ZNF469: variants seen among roughly 807,000 people sequenced by gnomAD.
The protein encoded by ZNF469 is zinc finger protein 469.
ZNF469 carries 1 observed loss-of-function variant against 1.0 expected under a neutral mutation model. That is an observed-to-expected ratio of 1.00 (90% CI 0.35 to 4.73). ZNF469 has a LOEUF of 4.73. ZNF469 is among the 30% of genes most tolerant of loss of function. The pLI is 0.16. For synonymous variants in ZNF469, 2,703 were observed against 2,363.4 expected, an observed-to-expected ratio of 1.14 and a Z score of -4.17; for missense variants, 6,100 against 5,356.3, an observed-to-expected ratio of 1.14 and a Z score of -4.33.
At chr16:88,333,270 C>T in the ZNF469 span, among the ~76,000 whole-genome samples, 7 of 151,134 alleles carry the variant, frequency 4.6e-5, no homozygotes, top group African/African-American at 1.7e-4. Flanking sequence ...GAGAAGGCTC[C>T]GGACTTGCTG....
the ZNF469 span, among the ~76,000 whole-genome samples, chr16:88,196,256 G>C: frequency 6.6e-6 from 1 of 152,194 alleles, no homozygotes; most frequent in African/African-American, 2.4e-5. Context: ...TAGCAGGCCT[G>C]GCCCAGAACA....
At chr16:88,353,660 A>G in the ZNF469 span, among the ~76,000 whole-genome samples, 2 of 152,216 alleles carry the variant, frequency 1.3e-5, no homozygotes, top group Non-Finnish European at 2.9e-5. Flanking sequence ...CCAACAACTC[A>G]GTCCACACGA....
rs1473768699 is a variant in ZNF469 at position 88,432,755 on chromosome 16, A to G, written c.5285A>G (p.Glu1762Gly). 4 of 1,550,400 alleles carry G rather than the reference A, an allele frequency of 2.6e-6. No homozygotes were observed. The East Asian group carries it at 9.8e-5, about 38-fold the overall frequency. Residue 1762 changes from glutamate (E) to glycine (G), a missense_variant, in exon 3 of 3, where the codon GAA becomes GGA. Glu to Gly is a moderately conservative substitution (Grantham distance 98). Coordinates refer to ENST00000565624, the MANE Select transcript of ZNF469 (RefSeq NM_001367624.2). ...NKEAASSQES[E>G]DSLRLLPCEQ... ...GAGGCCGCCAGCTCACAAGAAAGTG[A>G]AGACTCCCTGCGGCTGCTTCCCTGT... is the stretch of plus-strand genomic sequence containing the variant.
chr16:88,297,472 G>A, the ZNF469 span, among the ~76,000 whole-genome samples: 1 of 152,194 alleles, frequency 6.6e-6, no homozygotes, highest in South Asian at 2.1e-4. Flanking sequence ...CCCACACGTG[G>A]CCTGGAGGTG....
In ZNF469 at chr16:88,436,617, C is replaced by G; in HGVS notation, c.9147C>G (p.Leu3049=). 6.4e-7 allele frequency: 1 copy of G among 1,550,396 alleles called. No homozygotes were observed. Among genetic ancestry groups the G allele is most frequent in the Non-Finnish European group, 8.7e-7 (1 of 1,146,984 alleles). Residue 3049 remains leucine (L), a synonymous_variant, in exon 3 of 3, where the codon CTC becomes CTG. Transcript: ENST00000565624. ...TCCGTGCCACGGACTTTGAGGTGCT[C>G]AGCACCAAGTTTGAGATGCAAGACC... ...LPLRATDFEV[L]STKFEMQDLC...
the ZNF469 span, among the ~76,000 whole-genome samples, chr16:88,324,152 C>T: frequency 1.4e-4 from 21 of 152,326 alleles, no homozygotes; most frequent in South Asian, 4.1e-4. Context: ...GGGGCCTGTT[C>T]GGGGCTACTT....
the ZNF469 span, among the ~76,000 whole-genome samples, chr16:88,153,683 G>A: frequency 2.6e-5 from 4 of 152,248 alleles, no homozygotes; most frequent in African/African-American, 7.2e-5. Flanking sequence ...TGAGGCAGGC[G>A]CTTGCTGCTG....
the ZNF469 span, among the ~76,000 whole-genome samples, chr16:88,307,854 G>T: frequency 6.6e-6 from 1 of 152,162 alleles, no homozygotes; most frequent in African/African-American, 2.4e-5. Context: ...AGAAAGTCCA[G>T]TTTATCTACT....
At chr16:88,295,431 G>A in the ZNF469 span, among the ~76,000 whole-genome samples, 5 of 135,050 alleles carry the variant, frequency 3.7e-5, no homozygotes, top group South Asian at 2.5e-4. Context: ...ACGTCATCTC[G>A]GGCCCCCAGG....
At chr16:88,210,117 C>G in the ZNF469 span, among the ~76,000 whole-genome samples, 1 of 152,160 alleles carries the variant, frequency 6.6e-6, no homozygotes, top group African/African-American at 2.4e-5. Flanking sequence ...CGCAATGTAG[C>G]TCTGATTGAC....
At chr16:88,382,348 C>G (rs1479496720), upstream of ZNF469, among the ~76,000 whole-genome samples, 1 of 152,228 alleles carries the variant, frequency 6.6e-6, no homozygotes, top group Non-Finnish European at 1.5e-5. Context: ...AAGGGCCTCT[C>G]CCTCTCTAGG....
chr16:88,359,503 A>G, the ZNF469 span, among the ~76,000 whole-genome samples: 7 of 152,168 alleles, frequency 4.6e-5, no homozygotes, highest in African/African-American at 1.7e-4. Flanking sequence ...AGGAGTTTTG[A>G]TTTACATTTC....
chr16:88,208,938 G>C, the ZNF469 span, among the ~76,000 whole-genome samples: 3 of 151,374 alleles, frequency 2.0e-5, no homozygotes, highest in African/African-American at 4.9e-5. Flanking sequence ...CCATTCTCAG[G>C]GTATTTGCTT....
the ZNF469 span, among the ~76,000 whole-genome samples, chr16:88,355,686 G>T: frequency 6.6e-6 from 1 of 152,198 alleles, no homozygotes; most frequent in Non-Finnish European, 1.5e-5. Context: ...ACCCTAACAG[G>T]CCTATCATCC....
the ZNF469 span, among the ~76,000 whole-genome samples, chr16:88,132,078 G>A: frequency 1.1e-4 from 17 of 152,346 alleles, no homozygotes; most frequent in East Asian, 2.3e-3. Flanking sequence ...CTGGAGTTCC[G>A]ATGCTTCGTG....
At chr16:88,248,168 G>A in the ZNF469 span, among the ~76,000 whole-genome samples, 1 of 152,066 alleles carries the variant, frequency 6.6e-6, no homozygotes, top group African/African-American at 2.4e-5. Flanking sequence ...GAGAGAAATA[G>A]AATTGGCCAT....
At chr16:88,253,121 G>C in the ZNF469 span, among the ~76,000 whole-genome samples, 1 of 152,168 alleles carries the variant, frequency 6.6e-6, no homozygotes, top group Non-Finnish European at 1.5e-5. Context: ...CATTTGAATA[G>C]ATCTTTGGAA....
At chr16:88,194,827 G>C in the ZNF469 span, 1 of 152,274 alleles carries the variant, frequency 6.6e-6, no homozygotes, top group Non-Finnish European at 1.5e-5. Context: ...GCAGGGTTGG[G>C]TTTCGTAACG....
chr16:88,378,257 C>T (rs972817810), upstream of ZNF469, among the ~76,000 whole-genome samples: 7 of 152,066 alleles, frequency 4.6e-5, no homozygotes, highest in South Asian at 2.1e-4. Context: ...CAGGGGGCAC[C>T]GGGGCCGGGC....
Sources: allele counts gnomAD v4.1 joint callset (sites outside exome capture counted in the v4.1 genomes callset), GRCh38; gene constraint gnomAD v4.1.1; transcripts MANE v1.5; gene names NCBI Gene and HGNC (gene_info 2026-07-23, HGNC 2026-07-21).